Variants in TBC1D9 observed in about 807,000 individuals in gnomAD.
TBC1D9 encodes TBC1 domain family member 9, also known as TBC1 domain family member 9A.
A neutral mutation model predicts 132.0 loss-of-function variants in TBC1D9; 63 were observed. The ratio of observed to expected loss-of-function variants is 0.48; its 90% confidence interval spans 0.39 to 0.59. The LOEUF is 0.59. TBC1D9 is among the 20% of genes least tolerant of loss of function. The pLI is 0.00. For synonymous variants in TBC1D9, 610 were observed against 609.9 expected, an observed-to-expected ratio of 1.00 and a Z score of 0.00; for missense variants, 1,261 against 1,592.7, an observed-to-expected ratio of 0.79 and a Z score of 3.54.
chr4:140,724,278 G>A (rs1322187271), intron 1 of TBC1D9, among the ~76,000 whole-genome samples: 2 of 152,170 alleles, frequency 1.3e-5, no homozygotes, highest in Non-Finnish European at 2.9e-5. Flanking sequence ...TGGGATACAA[G>A]CTAAGGACGG....
chr4:140,745,339 T>C (rs538298108), intron 1 of TBC1D9, among the ~76,000 whole-genome samples: 60 of 152,332 alleles, frequency 3.9e-4, no homozygotes, highest in Non-Finnish European at 7.9e-4. Flanking sequence ...CATTAGGAGC[T>C]AACATAAATT....
chr4:140,694,035 C>T (rs1426392225), intron 2 of TBC1D9, among the ~76,000 whole-genome samples: 1 of 152,098 alleles, frequency 6.6e-6, no homozygotes, highest in Non-Finnish European at 1.5e-5. Context: ...TAATTACATG[C>T]ATATCCTTTT....
At chr4:140,662,209 A>G in intron 9 of TBC1D9, 102 bp from the exon 10 acceptor site, 1 of 958,746 alleles carries the variant, frequency 1.0e-6, no homozygotes, top group East Asian at 2.4e-5. Context: ...CCTACCTCTC[A>G]AAGGAAACTT....
At chr4:140,714,415 CTT>C (rs1738298821) in intron 1 of TBC1D9, among the ~76,000 whole-genome samples, 1 of 152,102 alleles carries the variant, frequency 6.6e-6, no homozygotes, top group Non-Finnish European at 1.5e-5. Context: ...GCTTCTGGGT[CTT>C]TGGTGGATTC....
At chr4:140,694,853 C>A (rs1254647865) in intron 2 of TBC1D9, among the ~76,000 whole-genome samples, 1 of 151,288 alleles carries the variant, frequency 6.6e-6, no homozygotes, top group African/African-American at 2.4e-5. Flanking sequence ...TTTTATGTAT[C>A]TATATTTTGT....
rs182235132 is a variant in TBC1D9 at position 140,676,704 on chromosome 4, T to C, written c.1059+190A>G. Reference sequence around the variant, plus strand: ...CATTAAAAAACCCCCATGCAGCTTCTGGAAGAAGAGATCTCACAGGTCCCA... The same window carrying C: ...CATTAAAAAACCCCCATGCAGCTTCCGGAAGAAGAGATCTCACAGGTCCCA... On this transcript the variant is annotated intron_variant, in intron 6 of 20. Transcript: ENST00000442267. 2.8e-4 allele frequency among the ~76,000 whole-genome samples: 42 copies of C among 152,174 alleles called. No homozygotes were observed. In the East Asian group the frequency reaches 5.6e-3, roughly 20 times the overall value.
At chr4:140,707,888 C>T (rs1406471491) in intron 1 of TBC1D9, among the ~76,000 whole-genome samples, 1 of 152,116 alleles carries the variant, frequency 6.6e-6, no homozygotes, top group Non-Finnish European at 1.5e-5. Flanking sequence ...CCCCAAATCT[C>T]CTGGCAATTA....
At chr4:140,716,746 T>C (rs1738339633) in intron 1 of TBC1D9, among the ~76,000 whole-genome samples, 2 of 151,906 alleles carry the variant, frequency 1.3e-5, no homozygotes, top group Non-Finnish European at 2.9e-5. Flanking sequence ...ATATTATTGA[T>C]TAGTGAATGG....
At chr4:140,711,387 T>C (rs1308700626) in intron 1 of TBC1D9, among the ~76,000 whole-genome samples, 1 of 152,148 alleles carries the variant, frequency 6.6e-6, no homozygotes. Flanking sequence ...GAAGCCCACC[T>C]CTGTTTCTAA....
At chr4:140,683,669 C>T (rs767411344) in intron 3 of TBC1D9, among the ~76,000 whole-genome samples, 2 of 152,074 alleles carry the variant, frequency 1.3e-5, no homozygotes, top group Non-Finnish European at 2.9e-5. Context: ...CCCATAATAA[C>T]CAAAGACAAA....
rs1346668118 is a variant in TBC1D9, at chr4:140,641,982, G to C, written c.2338-2554C>G. On this transcript the variant is annotated intron_variant, in intron 13 of 20. Transcript: ENST00000442267. ...CTTAGTCAAATGAATCTTCCGAAGAGTCGCTGAAGGAGGAATGCACCTTAG... is the reference window on the plus strand; with the variant it reads ...CTTAGTCAAATGAATCTTCCGAAGACTCGCTGAAGGAGGAATGCACCTTAG... The C allele has an allele frequency of 5.2e-6, 3 of 579,908 alleles. No homozygotes were observed. In the African/African-American group the frequency reaches 5.6e-5, roughly 11 times the overall value. 35.9% of individuals were successfully genotyped at this position (579,908 alleles called of 1,614,324 possible).
At chr4:140,664,534 A>T (rs934859789) in intron 9 of TBC1D9, among the ~76,000 whole-genome samples, 12 of 152,210 alleles carry the variant, frequency 7.9e-5, no homozygotes, top group Admixed American at 1.3e-4. Context: ...AAGGACAAGA[A>T]AATTGGAGGA....
chr4:140,731,771 AT>A (rs1395940280), intron 1 of TBC1D9, among the ~76,000 whole-genome samples: 2 of 151,776 alleles, frequency 1.3e-5, no homozygotes, highest in South Asian at 2.1e-4. Flanking sequence ...AGCAGATACA[AT>A]TTTTTTTACT....
intron 6 of TBC1D9, among the ~76,000 whole-genome samples, chr4:140,673,654 G>A (rs1737575344): frequency 6.6e-6 from 1 of 152,170 alleles, no homozygotes; most frequent in Non-Finnish European, 1.5e-5. Flanking sequence ...CTCACTGAGC[G>A]CTTCTTTAAA....
At chr4:140,646,603 T>C (rs1737106728) in intron 13 of TBC1D9, among the ~76,000 whole-genome samples, 1 of 152,194 alleles carries the variant, frequency 6.6e-6, no homozygotes, top group African/African-American at 2.4e-5. Context: ...AGTTGGAGTT[T>C]ACAGCAAAAA....
At chr4:140,654,880 AG>A (rs1737241371) in intron 13 of TBC1D9, among the ~76,000 whole-genome samples, 1 of 152,110 alleles carries the variant, frequency 6.6e-6, no homozygotes, top group Non-Finnish European at 1.5e-5. Context: ...GACAATAATC[AG>A]AGATGTGATA....
intron 6 of TBC1D9, among the ~76,000 whole-genome samples, chr4:140,675,771 C>A (rs1307134926): frequency 8.5e-5 from 13 of 152,168 alleles, no homozygotes. Flanking sequence ...CACAGGAAAT[C>A]AGCCGAGCAG....
chr4:140,701,455 C>A lies in TBC1D9; in HGVS notation c.241+49G>T, dbSNP rs774991230. On this transcript the variant is annotated intron_variant, in intron 2 of 20. Transcript: ENST00000442267. The stretch of plus-strand genomic sequence containing the variant: ...TTTCCTTCTGATAAAAAGTTGTTAA[C>A]CCTAACGCTTCTTTTAAAACTTGTG... 29 of 1,442,422 alleles carry A rather than the reference C, an allele frequency of 2.0e-5. No homozygotes were observed. The East Asian group carries it at 5.0e-4, about 25-fold the overall frequency. The allele number at this position is 1,442,422 out of a possible 1,614,324, so 89.4% of individuals were successfully genotyped here.
chr4:140,623,999 A>G, intron 20 of TBC1D9, 117 bp downstream of exon 20: 1 of 725,206 alleles, frequency 1.4e-6, no homozygotes, highest in South Asian at 2.1e-5. Flanking sequence ...GATACTAAGT[A>G]AAGGCCCCAG....
Sources: gnomAD v4.1 joint callset for allele counts (sites outside exome capture counted in the v4.1 genomes callset) on GRCh38, gnomAD v4.1.1 for gene constraint, MANE v1.5 for transcripts, NCBI Gene and HGNC (gene_info 2026-07-23, HGNC 2026-07-21) for gene names.